PLXNA2: variants seen among roughly 807,000 people sequenced by gnomAD.
PLXNA2 encodes the protein plexin-A2.
In PLXNA2, 91 loss-of-function variants were observed where a neutral mutation model predicts 193.5. That is an observed-to-expected ratio of 0.47 (90% CI 0.40 to 0.56). The LOEUF is 0.56. PLXNA2 is among the 20% of genes least tolerant of loss of function. The pLI is 0.00. For missense variants in PLXNA2, 1,995 were observed against 2,503.2 expected (o/e 0.80, Z 4.33); for synonymous variants, 997 against 1,027.3 (o/e 0.97, Z 0.56).
At chr1:208,065,404 T>C (rs918167065) in intron 12 of PLXNA2, among the ~76,000 whole-genome samples, 1 of 152,190 alleles carries the variant, frequency 6.6e-6, no homozygotes, top group Non-Finnish European at 1.5e-5. Context: ...CTCAATATCC[T>C]CATTCAAAAA....
intron 1 of PLXNA2, among the ~76,000 whole-genome samples, chr1:208,225,154 G>C (rs962603982): frequency 3.3e-5 from 5 of 152,158 alleles, no homozygotes; most frequent in African/African-American, 9.7e-5. Context: ...AGGGTAATGG[G>C]GCACAAGTGC....
chr1:208,126,248 C>T (rs137875269), intron 4 of PLXNA2, among the ~76,000 whole-genome samples: 3 of 152,198 alleles, frequency 2.0e-5, no homozygotes, highest in East Asian at 1.9e-4. Context: ...TCTGTTAGAC[C>T]CTGGGAAGCA....
Position 208,028,269 on chromosome 1 carries a change from T to A in PLXNA2, c.5439-110A>T, listed in dbSNP as rs1664399457. 2 of 977,786 alleles carry A rather than the reference T, an allele frequency of 2.0e-6. No homozygotes were observed. The highest frequency in any genetic ancestry group is 3.0e-6 in the Non-Finnish European group (2 of 671,632). The allele number at this position is 977,786 out of a possible 1,614,324, so 60.6% of individuals were successfully genotyped here. ...ACTGATGTACCCAGTTGCTCCTGCCTCCCTATTTCTCTTCTGATGTGGCTT... is the reference window on the plus strand; with the variant it reads ...ACTGATGTACCCAGTTGCTCCTGCCACCCTATTTCTCTTCTGATGTGGCTT... On this transcript the variant is annotated intron_variant, in intron 30 of 31. Coordinates refer to ENST00000367033, the MANE Select transcript of PLXNA2 (RefSeq NM_025179.4). This position sits in a 1 kb window ranked among gnomAD's most constrained non-coding sequence, Gnocchi z 4.2.
At chr1:208,157,965 C>G (rs1490132657) in intron 3 of PLXNA2, among the ~76,000 whole-genome samples, 1 of 152,202 alleles carries the variant, frequency 6.6e-6, no homozygotes, top group Admixed American at 6.5e-5. Context: ...TCCAAGCTTT[C>G]CACACCATCC....
rs577947343 is a variant in PLXNA2 at position 208,090,175 on chromosome 1, T to C, written c.2097+2611A>G. 1.2e-3 allele frequency among the ~76,000 whole-genome samples: 187 copies of C among 152,040 alleles called. 1 individual carries two copies. The highest frequency in any genetic ancestry group is 4.4e-4 in the Non-Finnish European group (30 of 67,962). Reference sequence around the variant, plus strand: ...GATGGAGTCTGGGCTTCCCTCACAGTCCTCCGGACAGCCAATCCCTGGGGC... The same window carrying C: ...GATGGAGTCTGGGCTTCCCTCACAGCCCTCCGGACAGCCAATCCCTGGGGC... On this transcript the variant is annotated intron_variant, in intron 9 of 31. Transcript: ENST00000367033.
chr1:208,217,403 G>C lies in PLXNA2; in HGVS notation c.520C>G (p.Arg174Gly). 1.2e-6 allele frequency: 2 copies of C among 1,614,160 alleles called. No homozygotes were observed. The highest frequency in any genetic ancestry group is 1.7e-6 in the Non-Finnish European group (2 of 1,180,032). Residue 174 changes from arginine to glycine, a missense_variant, in exon 2 of 32, where the codon CGC (arginine) becomes GGC (glycine). Physicochemically the swap from Arg to Gly is moderately radical, Grantham distance 125. This residue lies in a region of PLXNA2 where 702 missense variants were observed against 812.9 expected (regional missense o/e 0.86). Coordinates refer to ENST00000367033, the MANE Select transcript of PLXNA2 (RefSeq NM_025179.4). The surrounding 1 kb of genome is among the most constrained non-coding windows in gnomAD (Gnocchi z 4.7). ...KTGTMYGVIV[R>G]SEGEDGKLFI... is the part of the protein sequence containing the mutation. ...AGCTTGCCATCCTCACCCTCAGAGCGCACAATCACCCCGTACATGGTGCCC... is the reference window on the plus strand; with the variant it reads ...AGCTTGCCATCCTCACCCTCAGAGCCCACAATCACCCCGTACATGGTGCCC...
chr1:208,218,149 T>C, intron 1 of PLXNA2, 147 bp from the exon 2 acceptor site: 3 of 654,452 alleles, frequency 4.6e-6, no homozygotes, highest in Non-Finnish European at 7.8e-6. Flanking sequence ...ACATACTTTC[T>C]CCCTCTTAGG....
chr1:208,059,324 T>A lies in PLXNA2; in HGVS notation c.2738+1362A>T, dbSNP rs141856393. On this transcript the variant is annotated intron_variant, in intron 13 of 31. Coordinates refer to ENST00000367033, the MANE Select transcript of PLXNA2 (RefSeq NM_025179.4). ...TCCTATAGGCCCAGCCAGCCTTTCCTCCAGGACTCATTCCTTGCAGGAATA... is the reference window on the plus strand; with the variant it reads ...TCCTATAGGCCCAGCCAGCCTTTCCACCAGGACTCATTCCTTGCAGGAATA... 2.4e-3 allele frequency among the ~76,000 whole-genome samples: 367 copies of A among 152,342 alleles called. 8 individuals carry two copies. The highest frequency in any genetic ancestry group is 0.019 in the Admixed American group (289 of 15,306).
chr1:208,155,003 A>G (rs1668892967), intron 3 of PLXNA2, among the ~76,000 whole-genome samples: 1 of 152,194 alleles, frequency 6.6e-6, no homozygotes, highest in African/African-American at 2.4e-5. Flanking sequence ...GAGGAGGAAA[A>G]TTGGGCTGGG....
At chr1:208,052,618 A>G (rs1205279342) in intron 14 of PLXNA2, among the ~76,000 whole-genome samples, 155 bp from the exon 15 acceptor site, 1 of 152,098 alleles carries the variant, frequency 6.6e-6, no homozygotes, top group African/African-American at 2.4e-5. Context: ...TGCTTACCCC[A>G]GAGGTGAGAC....
At position 208,210,308 on chromosome 1, in the gene PLXNA2, A is replaced by C. The variant is rs772553496; in HGVS notation, c.1343T>G (p.Val448Gly). The change falls in exon 3 of 32, where the codon GTG (valine) becomes GGG (glycine). Residue 448 changes from valine (V) to glycine (G), a missense_variant. Val to Gly is a moderately radical substitution (Grantham distance 109). This residue lies in a region of PLXNA2 where 702 missense variants were observed against 812.9 expected (regional missense o/e 0.86). Transcript: ENST00000367033. ...TTTCAGCTTGCCACTCTTAGTCCCC[A>C]CAAAAACCACGCTGTAGCCGTTGTA... ...YVYNGYSVVF[V>G]GTKSGKLKKI... 2 of 1,613,890 alleles carry C rather than the reference A, an allele frequency of 1.2e-6. No individual in the cohort carries two copies. The highest frequency in any genetic ancestry group is 1.7e-6 in the Non-Finnish European group (2 of 1,180,012).
At position 208,142,309 on chromosome 1, in the gene PLXNA2, A is replaced by G. The variant is rs1283140909; in HGVS notation, c.1506+20T>C. The G allele has an allele frequency of 1.3e-6, 2 of 1,569,228 alleles. No homozygotes were observed. Among genetic ancestry groups the G allele is most frequent in the Admixed American group, 3.8e-5 (2 of 52,206 alleles). On this transcript the variant is annotated intron_variant, in intron 4 of 31. Transcript: ENST00000367033. ...CAGTTTCTTGGAGTTTGGAAAGCAG[A>G]GATGGATGTTAGCACTTACCTGTCT... is the stretch of plus-strand genomic sequence containing the variant.
rs369745311 is a variant in PLXNA2 at position 208,041,956 on chromosome 1, C to T, written c.4286+142G>A. 7.8e-4 allele frequency: 666 copies of T among 852,030 alleles called. 3 individuals are homozygous for T. In the South Asian group the frequency reaches 8.2e-3, roughly 11 times the overall value. The allele number at this position is 852,030 out of a possible 1,614,324, so 52.8% of individuals were successfully genotyped here. ...AAAGTCAGATTCTGCCCTGCAGAGA[C>T]GTGAGGACACAGGCTGCTCTGAATG... On this transcript the variant is annotated intron_variant, in intron 22 of 31. Coordinates refer to ENST00000367033, the MANE Select transcript of PLXNA2 (RefSeq NM_025179.4).
chr1:208,096,184 A>G (rs966029622), intron 7 of PLXNA2, 59 bp from the exon 8 acceptor site: 12 of 1,272,950 alleles, frequency 9.4e-6, no homozygotes, highest in Middle Eastern at 3.7e-4. Context: ...CCCAGTGGAC[A>G]GCCACAAAAA....
intron 1 of PLXNA2, among the ~76,000 whole-genome samples, chr1:208,232,805 A>G (rs1173861704): frequency 1.3e-5 from 2 of 152,308 alleles, no homozygotes; most frequent in East Asian, 3.9e-4. Flanking sequence ...GGAGACTGCC[A>G]TGGGCCTGAA....
At chr1:208,105,476 CCA>C (rs1179391690) in intron 4 of PLXNA2, among the ~76,000 whole-genome samples, 1 of 152,202 alleles carries the variant, frequency 6.6e-6, no homozygotes, top group Non-Finnish European at 1.5e-5. Flanking sequence ...CTTCTATTTC[CCA>C]CAGTTTCCCT....
chr1:208,207,553 G>A (rs1276891350), intron 3 of PLXNA2, among the ~76,000 whole-genome samples: 2 of 152,212 alleles, frequency 1.3e-5, no homozygotes, highest in African/African-American at 4.8e-5. Flanking sequence ...ATGAGGGCTG[G>A]ACAGCCTGAC....
chr1:208,065,897 C>T (rs954757631), intron 12 of PLXNA2, among the ~76,000 whole-genome samples: 3 of 152,218 alleles, frequency 2.0e-5, no homozygotes, highest in Non-Finnish European at 4.4e-5. Context: ...TCCCTTGTGG[C>T]CATTTCTTCT....
chr1:208,147,572 C>G (rs982050414), intron 3 of PLXNA2, among the ~76,000 whole-genome samples: 1 of 152,168 alleles, frequency 6.6e-6, no homozygotes, highest in African/African-American at 2.4e-5. Flanking sequence ...CAGTACTTAA[C>G]AAAAATGAAC....
Sources: allele counts gnomAD v4.1 joint callset (sites outside exome capture counted in the v4.1 genomes callset), GRCh38; gene constraint gnomAD v4.1.1; regional missense constraint gnomAD v4.1.1; non-coding constraint Gnocchi (gnomAD v3.1); transcripts MANE v1.5; gene names NCBI Gene and HGNC (gene_info 2026-07-23, HGNC 2026-07-21).